The following IL17REL variants were observed in gnomAD, a reference collection of about 807,000 sequenced individuals.
IL17REL encodes interleukin 17 receptor E like.
Under a neutral mutation model 49.0 loss-of-function variants are expected in IL17REL, and 36 were observed. The observed-to-expected ratio is 0.73, with a 90% confidence interval of 0.56 to 0.97. The LOEUF (loss-of-function observed/expected upper bound fraction) is 0.97. Ranked by LOEUF, IL17REL falls within the 50% of genes least tolerant of loss-of-function variation. The pLI is 0.00. For synonymous variants in IL17REL, 206 were observed against 192.4 expected, an observed-to-expected ratio of 1.07 and a Z score of -0.58; for missense variants, 470 against 453.9, an observed-to-expected ratio of 1.04 and a Z score of -0.32.
intron 1 of IL17REL, among the ~76,000 whole-genome samples, chr22:50,004,706 C>A (rs12159928): frequency 6.6e-6 from 1 of 151,222 alleles, no homozygotes; most frequent in Admixed American, 6.8e-5. Flanking sequence ...ACTAAAAATA[C>A]AAAAATTTGC....
At chr22:50,000,613 G>A (rs1374116815) in intron 3 of IL17REL, 21 bp from the exon 5 acceptor site, 28 of 1,599,676 alleles carry the variant, frequency 1.8e-5, no homozygotes, top group African/African-American at 2.7e-5. Flanking sequence ...GCAGGTGTGA[G>A]CTGCGTGGAC....
At chr22:49,997,789 C>T in intron 9 of IL17REL, 47 bp from the exon 12 acceptor site, 13 of 1,581,978 alleles carry the variant, frequency 8.2e-6, no homozygotes, top group Non-Finnish European at 1.1e-5. Context: ...GTGTGTGAGG[C>T]AGGGGCAGGG....
chr22:49,999,352 G>T lies in IL17REL; in HGVS notation c.547-7C>A, dbSNP rs1351041119. The T allele has an allele frequency of 1.2e-6, 2 of 1,612,952 alleles. No individual in the cohort carries two copies. Among genetic ancestry groups the T allele is most frequent in the South Asian group, 2.2e-5 (2 of 91,078 alleles). ...CAGGGGTCGCAGACCAGCCCTGTGG[G>T]AGGGGCTGGGGTCAGCGCAGCCCAC... On this transcript the variant is annotated splice_region_variant and splice_polypyrimidine_tract_variant and intron_variant, in intron 6 of 12. Coordinates refer to ENST00000341280, the Ensembl canonical transcript of IL17REL.
chr22:49,994,588 T>G (rs957738119), exon 13 of IL17REL: 3 of 152,284 alleles, frequency 2.0e-5, no homozygotes, highest in African/African-American at 7.2e-5. Flanking sequence ...CCCTCTCCAG[T>G]CTATGGGACA....
chr22:49,992,981 C>T (rs886576882), downstream of IL17REL, among the ~76,000 whole-genome samples: 9 of 152,214 alleles, frequency 5.9e-5, no homozygotes, highest in Admixed American at 5.2e-4. Flanking sequence ...TTCCTCACCC[C>T]ACACTGGCAC....
exon 11 of IL17REL, chr22:49,997,353 G>T: frequency 1.9e-6 from 3 of 1,613,876 alleles, no homozygotes; most frequent in Non-Finnish European, 2.5e-6. Flanking sequence ...CCTGGAGTGT[G>T]CGTTGGCAGG....
rs890077318 is a variant in IL17REL at position 49,999,165 on chromosome 22, A to G, written c.601+126T>C. The G allele has an allele frequency of 6.0e-6, 7 of 1,164,098 alleles. No homozygotes were observed. The Admixed American group carries it at 1.2e-4, about 20-fold the overall frequency. The allele number at this position is 1,164,098 out of a possible 1,614,324, so 72.1% of individuals were successfully genotyped here. On this transcript the variant is annotated intron_variant, in intron 7 of 12. Transcript: ENST00000341280. ...GTTCCCTTGGTGACAAGCCCTTCCG[A>G]GCAGGCTCAGGGATTTAGGCTGGGC...
rs781048956 is a variant in IL17REL at position 49,998,123 on chromosome 22, G to A, written c.774+14C>T. ...ATCCATGCCCACCCCCATCCCTGCT[G>A]AGCAGGCACTCACTCTGCGATGCAC... On this transcript the variant is annotated intron_variant, in intron 8 of 12. Transcript: ENST00000341280. The A allele has an allele frequency of 1.2e-6, 2 of 1,600,180 alleles. No homozygotes were observed. Among genetic ancestry groups the A allele is most frequent in the East Asian group, 2.2e-5 (1 of 44,736 alleles).
At chr22:50,000,720 G>A (rs1250024436) in intron 3 of IL17REL, 34 bp downstream of exon 4, 1 of 1,555,076 alleles carries the variant, frequency 6.4e-7, no homozygotes. Flanking sequence ...CCAGTCTTCG[G>A]GACTTGGGTG....
At chr22:50,005,630 C>T (rs916178770) in intron 1 of IL17REL, among the ~76,000 whole-genome samples, 2 of 151,932 alleles carry the variant, frequency 1.3e-5, no homozygotes, top group East Asian at 1.9e-4. Context: ...GGTGAAACCC[C>T]GTCTCTGCTA....
intron 1 of IL17REL, among the ~76,000 whole-genome samples, chr22:50,007,598 C>T (rs905249648): frequency 1.3e-5 from 2 of 152,010 alleles, no homozygotes; most frequent in Admixed American, 6.6e-5. Flanking sequence ...AGGCTGGTCT[C>T]GAACTCCTGA....
chr22:49,992,361 G>A (rs1365250097), downstream of IL17REL, among the ~76,000 whole-genome samples: 1 of 152,218 alleles, frequency 6.6e-6, no homozygotes, highest in African/African-American at 2.4e-5. Flanking sequence ...GCAATGCAAA[G>A]GCCCTGCCTC....
intron 7 of IL17REL, among the ~76,000 whole-genome samples, chr22:49,998,781 GTGGGTGTGCGTATGCA>G (rs1307199020): frequency 6.6e-6 from 1 of 151,532 alleles, no homozygotes; most frequent in Non-Finnish European, 1.5e-5. Flanking sequence ...GTCCATGGGT[GTGGGTGTGCGTATGCA>G]TGGGTGTGCC....
Position 49,999,360 on chromosome 22 carries a change from G to A in IL17REL, c.547-15C>T, listed in dbSNP as rs1257392523. The A allele has an allele frequency of 6.2e-7, 1 of 1,612,884 alleles. No individual in the cohort carries two copies. Among genetic ancestry groups the A allele is most frequent in the Admixed American group, 1.7e-5 (1 of 60,024 alleles). On this transcript the variant is annotated splice_polypyrimidine_tract_variant and intron_variant, in intron 6 of 12. Transcript: ENST00000341280. The stretch of plus-strand genomic sequence containing the variant: ...GCAGACCAGCCCTGTGGGAGGGGCT[G>A]GGGTCAGCGCAGCCCACCCATCCCT...
At chr22:50,006,080 A>G (rs2146757090) in intron 1 of IL17REL, among the ~76,000 whole-genome samples, 1 of 152,208 alleles carries the variant, frequency 6.6e-6, no homozygotes, top group East Asian at 1.9e-4. Context: ...TTTCCAACCC[A>G]GTGGGAGCTG....
At chr22:50,012,580 G>A (rs892289495), upstream of IL17REL, 1 of 152,334 alleles carries the variant, frequency 6.6e-6, no homozygotes, top group Non-Finnish European at 1.5e-5. Flanking sequence ...GTAATCCGGG[G>A]GATGGCCAGG....
exon 8 of IL17REL, chr22:49,998,161 T>A: frequency 6.2e-7 from 1 of 1,608,704 alleles, no homozygotes; most frequent in Non-Finnish European, 8.5e-7. Context: ...GCTGGCTGGA[T>A]TGCTGCAGCT....
upstream of IL17REL, among the ~76,000 whole-genome samples, chr22:50,010,185 C>T (rs375925446): frequency 2.0e-5 from 3 of 152,234 alleles, no homozygotes; most frequent in Admixed American, 6.5e-5. Flanking sequence ...ACCCGCCGCC[C>T]GTGGGCGGAG....
downstream of IL17REL, among the ~76,000 whole-genome samples, chr22:49,993,356 C>T (rs1256910021): frequency 6.6e-6 from 1 of 152,212 alleles, no homozygotes; most frequent in East Asian, 1.9e-4. This position sits in a 1 kb window ranked among gnomAD's most constrained non-coding sequence, Gnocchi z 6.0. Flanking sequence ...CTACCGCACC[C>T]CCCTTTCTGG....
Sources: gnomAD v4.1 joint callset for allele counts (sites outside exome capture counted in the v4.1 genomes callset) on GRCh38, gnomAD v4.1.1 for gene constraint, Gnocchi (gnomAD v3.1) non-coding constraint, MANE v1.5 for transcripts, NCBI Gene and HGNC (gene_info 2026-07-23, HGNC 2026-07-21) for gene names.